SYCP2L: variants seen among roughly 807,000 people sequenced by gnomAD.
SYCP2L encodes the protein synaptonemal complex protein 2-like.
A neutral mutation model predicts 125.8 loss-of-function variants in SYCP2L; 98 were observed. The ratio of observed to expected loss-of-function variants is 0.78; its 90% CI spans 0.66 to 0.92. The LOEUF (loss-of-function observed/expected upper bound fraction) is 0.92. Ranked by LOEUF, SYCP2L falls within the 40% of genes least tolerant of loss-of-function variation. The probability of loss-of-function intolerance (pLI) is 0.00; values close to 1 mark genes in which losing one functional copy is unlikely to be tolerated. For synonymous variants in SYCP2L, 317 were observed against 325.4 expected (o/e 0.97, Z 0.28); for missense variants, 842 against 936.4 (o/e 0.90, Z 1.32).
chr6:10,929,280 G>T (rs756614470), intron 18 of SYCP2L, among the ~76,000 whole-genome samples: 1 of 152,154 alleles, frequency 6.6e-6, no homozygotes, highest in African/African-American at 2.4e-5. Flanking sequence ...CTTCATTTGG[G>T]ATCTAGAGAC....
At position 10,954,179 on chromosome 6, in the gene SYCP2L, CA is replaced by C. The variant is rs1268013689; in HGVS notation, c.1955-933del. 2.0e-5 allele frequency among the ~76,000 whole-genome samples: 3 copies of C among 152,136 alleles called. No individual in the cohort carries two copies. The highest frequency in any genetic ancestry group is 4.4e-5 in the Non-Finnish European group (3 of 68,038). ...CAACAGCAACTAGACAGGCATGTGA[CA>C]AAAGAGAAGTCAGATGATGTCACAA... On this transcript the variant is annotated intron_variant, in intron 23 of 29. Coordinates refer to ENST00000283141, the MANE Select transcript of SYCP2L (RefSeq NM_001040274.3). This position sits in a 1 kb window ranked among gnomAD's most constrained non-coding sequence, Gnocchi z 4.8.
chr6:10,898,561 G>A (rs533471337), intron 5 of SYCP2L, among the ~76,000 whole-genome samples: 75 of 152,264 alleles, frequency 4.9e-4, no homozygotes, highest in Non-Finnish European at 9.0e-4. Flanking sequence ...TTATTAATAT[G>A]TGATATAGTA....
At chr6:10,964,182 C>A (rs1397959582) in intron 29 of SYCP2L, among the ~76,000 whole-genome samples, 1 of 152,186 alleles carries the variant, frequency 6.6e-6, no homozygotes, top group African/African-American at 2.4e-5. Context: ...TGGTCTCGAT[C>A]TCCTGACCAT....
At chr6:10,973,582 A>G (rs1334996228) in intron 29 of SYCP2L, among the ~76,000 whole-genome samples, 1 of 152,128 alleles carries the variant, frequency 6.6e-6, no homozygotes, top group African/African-American at 2.4e-5. Flanking sequence ...TATTAACAAC[A>G]TGTAGTTTTC....
intron 23 of SYCP2L, among the ~76,000 whole-genome samples, chr6:10,949,138 G>T (rs1781366118): frequency 6.6e-6 from 1 of 151,938 alleles, no homozygotes; most frequent in African/African-American, 2.4e-5. Flanking sequence ...TTTCTCTTCT[G>T]TTGTTATCTG....
At chr6:10,906,869 G>A (rs1161014094) in intron 9 of SYCP2L, among the ~76,000 whole-genome samples, 1 of 151,994 alleles carries the variant, frequency 6.6e-6, no homozygotes. Context: ...AAAGTGCTGG[G>A]ATTACAGGCA....
intron 26 of SYCP2L, among the ~76,000 whole-genome samples, chr6:10,959,221 A>G (rs1781556840): frequency 6.6e-6 from 1 of 152,260 alleles, no homozygotes; most frequent in Non-Finnish European, 1.5e-5. Context: ...TCAGCCTTAA[A>G]AAAGAATTAA....
rs1359555749 is a variant in SYCP2L at position 10,903,774 on chromosome 6, TAAAA to T, written c.641+815_641+818del. Among the ~76,000 whole-genome samples the T allele has an allele frequency of 8.6e-5, 13 of 151,862 alleles. No homozygotes were observed. The East Asian group carries it at 2.5e-3, about 29-fold the overall frequency. On this transcript the variant is annotated intron_variant, in intron 8 of 29. Transcript: ENST00000283141. ...TCAAAAAAATAAAAATAAATAAAAA[TAAAA>T]AAATAAAAAAGACATTCCTAGATTT...
chr6:10,933,394 C>T (rs1478125867), intron 20 of SYCP2L, among the ~76,000 whole-genome samples: 1 of 152,206 alleles, frequency 6.6e-6, no homozygotes, highest in Non-Finnish European at 1.5e-5. Context: ...AGTTTGCCAA[C>T]CCCTGATACA....
intron 2 of SYCP2L, 72 bp downstream of exon 2, chr6:10,891,653 GTGTGTGTGTGTATGTGTATATGAGTGTA>G: frequency 1.2e-5 from 10 of 809,828 alleles, no homozygotes; most frequent in Non-Finnish European, 1.6e-5. Flanking sequence ...GTGTGTGTGT[GTGTGTGTGTGTATGTGTATATGAGTGTA>G]TGTATTCTTT....
rs568182690 is a variant in SYCP2L, at chr6:10,945,556, G to A, written c.1954+2810G>A. ...AGGCCAAGGTGGGTGGATCACCTGC[G>A]GTCAGGAGTTCAAGACCAGCCTGAC... On this transcript the variant is annotated intron_variant, in intron 23 of 29. Transcript: ENST00000283141. 3.2e-4 allele frequency among the ~76,000 whole-genome samples: 49 copies of A among 152,064 alleles called. No homozygotes were observed. The South Asian group carries it at 4.4e-3, about 14-fold the overall frequency.
chr6:10,907,559 G>A lies in SYCP2L; in HGVS notation c.694G>A (p.Ala232Thr). ...ATCTCTAGATTATGACCAGCAGGTT[G>A]CTATTTCTGAAGCGCTGTGTAGACT... is the stretch of plus-strand genomic sequence containing the variant. Reference protein sequence around the residue: ...LTVGDYDQQVAISEALCRLTI... With the variant: ...LTVGDYDQQVTISEALCRLTI... Residue 232 changes from alanine to threonine, a missense_variant, in exon 10 of 30, where the codon GCT becomes ACT. Transcript: ENST00000283141. 6.2e-7 allele frequency: 1 copy of A among 1,612,018 alleles called. No homozygotes were observed.
intron 14 of SYCP2L, among the ~76,000 whole-genome samples, 185 bp from the exon 15 acceptor site, chr6:10,924,311 T>TG (rs937471863): frequency 5.9e-5 from 9 of 152,256 alleles, no homozygotes; most frequent in Non-Finnish European, 1.3e-4. Context: ...TATGTGTATA[T>TG]GTGTAAATAC....
rs1780633764 is a variant in SYCP2L, at chr6:10,912,827, T to C, written c.1012-40T>C. ...TAGAGATCTTTTTTATGTAAGTATG[T>C]GTTTTGCACTCATGAATTTCACTTA... On this transcript the variant is annotated intron_variant, in intron 13 of 29. Transcript: ENST00000283141. The surrounding 1 kb of genome is among the most constrained non-coding windows in gnomAD (Gnocchi z 4.1). 1.2e-6 allele frequency: 2 copies of C among 1,609,110 alleles called. No individual in the cohort carries two copies. The highest frequency in any genetic ancestry group is 4.5e-5 in the East Asian group (2 of 44,812).
At chr6:10,891,402 A>G in intron 1 of SYCP2L, 111 bp from the exon 2 acceptor site, 1 of 865,966 alleles carries the variant, frequency 1.2e-6, no homozygotes, top group South Asian at 1.7e-5. Context: ...GTTCAGGAAA[A>G]CAATACAAAC....
At chr6:10,942,594 T>C in intron 22 of SYCP2L, 65 bp downstream of exon 22, 1 of 1,579,206 alleles carries the variant, frequency 6.3e-7, no homozygotes, top group Non-Finnish European at 8.7e-7. Flanking sequence ...GCATAACACA[T>C]TGGCTATTCC....
At position 10,912,968 on chromosome 6, in the gene SYCP2L, T is replaced by C. The variant is rs540537140; in HGVS notation, c.1072+41T>C. 9 of 1,577,320 alleles carry C rather than the reference T, an allele frequency of 5.7e-6. No individual in the cohort carries two copies. The South Asian group carries it at 7.8e-5, about 14-fold the overall frequency. On this transcript the variant is annotated intron_variant, in intron 14 of 29. Transcript: ENST00000283141. The surrounding 1 kb of genome is among the most constrained non-coding windows in gnomAD (Gnocchi z 4.1). ...TAAACAACCCACGTCCAGTTCCAAA[T>C]ATTATTTCTGTTGTATATGCAGTGT... is the stretch of plus-strand genomic sequence containing the variant.
In SYCP2L at chr6:10,927,239, G is replaced by A; in HGVS notation, c.1313-1G>A. ...ATTAGTCTTTTTCTTAATTTGTATA[G>A]AGCAGGCAGAAGAATCCACTAACAT... On this transcript the variant is annotated splice_acceptor_variant, in intron 16 of 29. Transcript: ENST00000283141. LOFTEE classifies it high-confidence loss of function. 6.2e-7 allele frequency: 1 copy of A among 1,614,086 alleles called. No individual in the cohort carries two copies. Among genetic ancestry groups the A allele is most frequent in the Non-Finnish European group, 8.5e-7 (1 of 1,179,986 alleles).
chr6:10,887,575 A>G (rs1688117505), intron 1 of SYCP2L, among the ~76,000 whole-genome samples: 1 of 151,976 alleles, frequency 6.6e-6, no homozygotes, highest in Non-Finnish European at 1.5e-5. Flanking sequence ...CTTATCAATA[A>G]ATAATAAAAA....
Sources: allele counts gnomAD v4.1 joint callset (sites outside exome capture counted in the v4.1 genomes callset), GRCh38; gene constraint gnomAD v4.1.1; non-coding constraint Gnocchi (gnomAD v3.1); transcripts MANE v1.5; gene names NCBI Gene and HGNC (gene_info 2026-07-23, HGNC 2026-07-21).